Variants in SGIP1 observed in about 807,000 individuals in gnomAD.
The protein encoded by SGIP1 is SH3GL interacting endocytic adaptor 1.
In SGIP1, 38 loss-of-function variants were observed where a neutral mutation model predicts 107.5. The observed-to-expected ratio is 0.35, with a 90% CI of 0.27 to 0.46. SGIP1 has a LOEUF of 0.46. Among genes scored for constraint, SGIP1 ranks in the 20% least tolerant of loss-of-function variants. The pLI is 1.00. For synonymous variants in SGIP1, 365 were observed against 366.1 expected, an observed-to-expected ratio of 1.00 and a Z score of 0.03; for missense variants, 929 against 1,019.5, an observed-to-expected ratio of 0.91 and a Z score of 1.21.
intron 7 of SGIP1, 65 bp from the exon 8 acceptor site, chr1:66,660,448 C>T (rs1571413568): frequency 1.3e-6 from 2 of 1,492,744 alleles, no homozygotes; most frequent in Non-Finnish European, 1.9e-6. Context: ...CCTGTTTCTT[C>T]TTGAAAATAC....
At chr1:66,648,588 C>T (rs187089328) in intron 7 of SGIP1, among the ~76,000 whole-genome samples, 47 of 152,282 alleles carry the variant, frequency 3.1e-4, no homozygotes, top group Admixed American at 1.6e-3. Context: ...AACAACACTG[C>T]GTTTGAGAGA....
chr1:66,583,069 A>C (rs1353246539), intron 1 of SGIP1, among the ~76,000 whole-genome samples: 1 of 152,098 alleles, frequency 6.6e-6, no homozygotes, highest in Non-Finnish European at 1.5e-5. Flanking sequence ...TTGATTGATA[A>C]ATATCTGAAT....
In SGIP1 at chr1:66,630,021, G is replaced by A. The variant is rs910193353; in HGVS notation, c.75-3049G>A. ...AACTTGCCCAAGCTTCTGCAGCTAGGAAATCGACATTGGTTGATCCCATGC... is the reference window on the plus strand; with the variant it reads ...AACTTGCCCAAGCTTCTGCAGCTAGAAAATCGACATTGGTTGATCCCATGC... On this transcript the variant is annotated intron_variant, in intron 2 of 24. Transcript: ENST00000371037. 3.3e-5 allele frequency among the ~76,000 whole-genome samples: 5 copies of A among 152,274 alleles called. No homozygotes were observed. The East Asian group carries it at 9.7e-4, about 29-fold the overall frequency.
intron 1 of SGIP1, among the ~76,000 whole-genome samples, chr1:66,547,528 T>C (rs1256559052): frequency 6.6e-6 from 1 of 152,208 alleles, no homozygotes; most frequent in Non-Finnish European, 1.5e-5. Flanking sequence ...TCTGTCTTCA[T>C]GGCAACCCAG....
chr1:66,706,234 G>A (rs2092492684), intron 18 of SGIP1, among the ~76,000 whole-genome samples: 1 of 148,758 alleles, frequency 6.7e-6, no homozygotes, highest in African/African-American at 2.4e-5. Flanking sequence ...TTTTAATTTG[G>A]TCACTCATCT....
intron 20 of SGIP1, among the ~76,000 whole-genome samples, chr1:66,732,834 A>T (rs1191004593): frequency 6.6e-6 from 1 of 152,192 alleles, no homozygotes; most frequent in African/African-American, 2.4e-5. Context: ...TGCCTAGCAT[A>T]TAATAGGTGG....
chr1:66,538,920 A>G (rs2054244038), intron 1 of SGIP1, among the ~76,000 whole-genome samples: 1 of 152,214 alleles, frequency 6.6e-6, no homozygotes, highest in African/African-American at 2.4e-5. Flanking sequence ...GTATTTTCAG[A>G]ATACCATCAA....
chr1:66,730,974 T>C (rs1426507438), intron 20 of SGIP1, among the ~76,000 whole-genome samples: 1 of 152,136 alleles, frequency 6.6e-6, no homozygotes, highest in Non-Finnish European at 1.5e-5. Context: ...AGCCCCAAAC[T>C]AGTAGCTTGG....
At chr1:66,638,628 C>T (rs958398358) in intron 4 of SGIP1, among the ~76,000 whole-genome samples, 1 of 152,118 alleles carries the variant, frequency 6.6e-6, no homozygotes, top group Middle Eastern at 3.2e-3. Flanking sequence ...GCATTATTCA[C>T]CCTTGCCAAA....
At chr1:66,571,115 A>C (rs1199768041) in intron 1 of SGIP1, among the ~76,000 whole-genome samples, 1 of 152,018 alleles carries the variant, frequency 6.6e-6, no homozygotes. Context: ...CTAAAGTTGA[A>C]TTGGATTAGG....
intron 2 of SGIP1, among the ~76,000 whole-genome samples, chr1:66,630,232 G>T (rs950598464): frequency 6.6e-6 from 1 of 152,162 alleles, no homozygotes; most frequent in Admixed American, 6.5e-5. Context: ...TAAGCATGAG[G>T]TCAAATGCCT....
At chr1:66,600,631 G>C (rs117397414) in intron 1 of SGIP1, among the ~76,000 whole-genome samples, 4 of 152,178 alleles carry the variant, frequency 2.6e-5, no homozygotes, top group Admixed American at 6.5e-5. Flanking sequence ...GAAACAGTGC[G>C]CGATTAGAAA....
intron 1 of SGIP1, among the ~76,000 whole-genome samples, chr1:66,618,177 G>A (rs1449423885): frequency 6.6e-6 from 1 of 152,158 alleles, no homozygotes; most frequent in Non-Finnish European, 1.5e-5. Context: ...AGTTTTTAGT[G>A]TATCATTGTG....
intron 1 of SGIP1, among the ~76,000 whole-genome samples, chr1:66,599,953 A>G (rs1298533907): frequency 6.6e-6 from 1 of 152,142 alleles, no homozygotes; most frequent in Non-Finnish European, 1.5e-5. Context: ...ATGATCCCTG[A>G]TACCATCTTT....
chr1:66,630,829 A>AGAAAGAG lies in SGIP1; in HGVS notation c.75-2241_75-2240insGAAAGAG, dbSNP rs1558132763. ...AAAGAAAGAAAGAAAGAAAGAAAGA[A>AGAAAGAG]AGAAAGAAAGAAAGAAAGAAAGAAA... On this transcript the variant is annotated intron_variant, in intron 2 of 24. Coordinates refer to ENST00000371037, the MANE Select transcript of SGIP1 (RefSeq NM_032291.4). 8.7e-3 allele frequency among the ~76,000 whole-genome samples: 81 copies of AGAAAGAG among 9,276 alleles called. 6 individuals are homozygous for AGAAAGAG. The highest frequency in any genetic ancestry group is 0.034 in the African/African-American group (78 of 2,272). The allele number at this position is 9,276 out of a possible 152,430, so 6.1% of individuals were successfully genotyped here.
intron 1 of SGIP1, among the ~76,000 whole-genome samples, chr1:66,624,232 A>G (rs2072015377): frequency 6.6e-6 from 1 of 152,196 alleles, no homozygotes; most frequent in Non-Finnish European, 1.5e-5. Context: ...TTGAAAACCA[A>G]GGAAAATAGT....
intron 13 of SGIP1, among the ~76,000 whole-genome samples, chr1:66,677,960 C>A (rs900180156): frequency 6.6e-6 from 1 of 152,154 alleles, no homozygotes; most frequent in Non-Finnish European, 1.5e-5. Context: ...TGAGAATTAA[C>A]CGCGGGGATT....
chr1:66,541,310 A>T (rs1348024488), intron 1 of SGIP1, among the ~76,000 whole-genome samples: 4 of 152,270 alleles, frequency 2.6e-5, no homozygotes. Flanking sequence ...GAAGTCAGTC[A>T]GCATGAGTTT....
intron 1 of SGIP1, among the ~76,000 whole-genome samples, chr1:66,616,751 C>T (rs183409394): frequency 1.2e-4 from 18 of 152,276 alleles, no homozygotes; most frequent in African/African-American, 4.3e-4. Context: ...TTGTAGCAAA[C>T]CTATTTCATG....
Sources: gnomAD v4.1 joint callset for allele counts (sites outside exome capture counted in the v4.1 genomes callset) on GRCh38, gnomAD v4.1.1 for gene constraint, MANE v1.5 for transcripts, NCBI Gene and HGNC (gene_info 2026-07-23, HGNC 2026-07-21) for gene names.